Variants in AGBL4 observed in about 807,000 individuals in gnomAD.
The protein encoded by AGBL4 is AGBL carboxypeptidase 4, also known as cytosolic carboxypeptidase 6.
AGBL4 carries 58 observed loss-of-function variants against 66.4 expected under a neutral mutation model. That is an observed-to-expected ratio of 0.87 (90% CI 0.71 to 1.09). The LOEUF (loss-of-function observed/expected upper bound fraction) is 1.09. AGBL4 is among the 50% of genes least tolerant of loss of function. The pLI, the probability that AGBL4 is intolerant of heterozygous loss-of-function variation, is 0.00. For synonymous variants in AGBL4, 234 were observed against 222.9 expected (o/e 1.05, Z -0.44); for missense variants, 579 against 631.0 (o/e 0.92, Z 0.88).
At chr1:49,414,133 G>C (rs755942299) in intron 3 of AGBL4, among the ~76,000 whole-genome samples, 1 of 152,032 alleles carries the variant, frequency 6.6e-6, no homozygotes, top group Admixed American at 6.6e-5. Flanking sequence ...AAAACCATAT[G>C]TTTAAATACA....
At chr1:49,111,404 A>T in intron 4 of AGBL4, among the ~76,000 whole-genome samples, 1 of 152,062 alleles carries the variant, frequency 6.6e-6, no homozygotes, top group East Asian at 1.9e-4. Flanking sequence ...GAGCCACCGC[A>T]CCTGGCCCAA....
At chr1:49,665,949 A>C (rs976941859) in intron 3 of AGBL4, among the ~76,000 whole-genome samples, 2 of 151,454 alleles carry the variant, frequency 1.3e-5, no homozygotes, top group South Asian at 4.2e-4. Context: ...TTTAACAAAG[A>C]AGTACACACT....
chr1:48,963,953 C>A (rs1658211848), intron 5 of AGBL4, among the ~76,000 whole-genome samples: 1 of 152,168 alleles, frequency 6.6e-6, no homozygotes, highest in Non-Finnish European at 1.5e-5. Context: ...TGTAAGGTAA[C>A]AATCAGTCAA....
At chr1:49,268,804 G>C (rs1324561000) in intron 3 of AGBL4, among the ~76,000 whole-genome samples, 1 of 152,096 alleles carries the variant, frequency 6.6e-6, no homozygotes, top group African/African-American at 2.4e-5. Flanking sequence ...GACATTTAAT[G>C]GTAGTCTATT....
chr1:48,592,235 C>T (rs1644929318), intron 9 of AGBL4, among the ~76,000 whole-genome samples: 1 of 152,218 alleles, frequency 6.6e-6, no homozygotes. Context: ...ACACTAGAAA[C>T]AGCCAAGGCA....
intron 11 of AGBL4, chr1:48,586,010 G>A (rs916250008): frequency 6.6e-6 from 1 of 152,174 alleles, no homozygotes; most frequent in East Asian, 1.9e-4. Context: ...TTCATCTAAA[G>A]TTCCTTCCTC....
chr1:48,682,738 G>T (rs1646474457), intron 6 of AGBL4, among the ~76,000 whole-genome samples: 1 of 152,128 alleles, frequency 6.6e-6, no homozygotes, highest in South Asian at 2.1e-4. Context: ...GTATGGCCTG[G>T]TATACAATAA....
intron 5 of AGBL4, among the ~76,000 whole-genome samples, chr1:49,011,911 T>G (rs1662457185): frequency 6.8e-6 from 1 of 148,020 alleles, no homozygotes; most frequent in African/African-American, 2.5e-5. Flanking sequence ...GGGATAGCAT[T>G]GGGAGATATA....
intron 4 of AGBL4, among the ~76,000 whole-genome samples, chr1:49,104,096 C>G (rs561650546): frequency 6.6e-6 from 1 of 152,220 alleles, no homozygotes; most frequent in African/African-American, 2.4e-5. Flanking sequence ...CCTGATCTCG[C>G]CAACCTCTCT....
intron 5 of AGBL4, among the ~76,000 whole-genome samples, chr1:48,939,414 G>A (rs1655760227): frequency 6.6e-6 from 1 of 152,166 alleles, no homozygotes; most frequent in African/African-American, 2.4e-5. Context: ...AATGGCATTA[G>A]CATCTAGTCA....
At chr1:49,710,359 A>C (rs1235268508) in intron 2 of AGBL4, among the ~76,000 whole-genome samples, 1 of 152,102 alleles carries the variant, frequency 6.6e-6, no homozygotes, top group African/African-American at 2.4e-5. Context: ...AAACACCGCA[A>C]GTTTTCACTC....
chr1:49,611,275 G>A (rs1409933199), intron 3 of AGBL4, among the ~76,000 whole-genome samples: 1 of 151,950 alleles, frequency 6.6e-6, no homozygotes, highest in Non-Finnish European at 1.5e-5. Flanking sequence ...GGGGCACTAA[G>A]CAAGGTGGAA....
intron 3 of AGBL4, among the ~76,000 whole-genome samples, chr1:49,413,247 G>A (rs1253972755): frequency 1.3e-5 from 2 of 152,106 alleles, no homozygotes; most frequent in African/African-American, 4.8e-5. Context: ...ATATTTGCAT[G>A]CATTCAACAT....
chr1:49,206,180 G>A (rs539598631), intron 4 of AGBL4, among the ~76,000 whole-genome samples: 1 of 152,148 alleles, frequency 6.6e-6, no homozygotes. Flanking sequence ...GGGGCAATCT[G>A]TATGTGTTTG....
chr1:49,175,631 T>A (rs1646816759), intron 4 of AGBL4, among the ~76,000 whole-genome samples: 1 of 152,150 alleles, frequency 6.6e-6, no homozygotes, highest in Admixed American at 6.5e-5. Context: ...TCTCATATGC[T>A]ATGATTCTAT....
intron 5 of AGBL4, among the ~76,000 whole-genome samples, chr1:48,891,521 C>A (rs1242381081): frequency 6.6e-6 from 1 of 152,200 alleles, no homozygotes; most frequent in African/African-American, 2.4e-5. Flanking sequence ...CATAAAGAGA[C>A]CACTTCAGTT....
At chr1:49,369,476 C>T (rs958973742) in intron 3 of AGBL4, among the ~76,000 whole-genome samples, 1 of 152,078 alleles carries the variant, frequency 6.6e-6, no homozygotes, top group Non-Finnish European at 1.5e-5. Flanking sequence ...AGAACAGTGA[C>T]CCCTGAAAGA....
chr1:49,616,079 G>A (rs981912652), intron 3 of AGBL4, among the ~76,000 whole-genome samples: 5 of 152,078 alleles, frequency 3.3e-5, no homozygotes, highest in Non-Finnish European at 5.9e-5. Flanking sequence ...GAGAAAAGGT[G>A]GTGGGAAGGA....
chr1:49,881,127 G>A (rs972245149), intron 1 of AGBL4, among the ~76,000 whole-genome samples: 2 of 152,112 alleles, frequency 1.3e-5, no homozygotes, highest in Admixed American at 6.5e-5. Context: ...CTTCTGCGTC[G>A]CTCACGCTGG....
Sources: allele counts gnomAD v4.1 joint callset (sites outside exome capture counted in the v4.1 genomes callset), GRCh38; gene constraint gnomAD v4.1.1; transcripts MANE v1.5; gene names NCBI Gene and HGNC (gene_info 2026-07-23, HGNC 2026-07-21).